The following FANCD2OS variants were observed in gnomAD, a reference collection of about 807,000 sequenced individuals.
FANCD2OS encodes the protein FANCD2 opposite strand protein.
Under a neutral mutation model 13.2 loss-of-function variants are expected in FANCD2OS, and 11 were observed. That is an observed-to-expected ratio of 0.83 (90% CI 0.52 to 1.38). The LOEUF (loss-of-function observed/expected upper bound fraction) is 1.38, where lower values mean the gene tolerates loss of function less well. Ranked by LOEUF, FANCD2OS falls within the 40% of genes most tolerant of loss-of-function variation. The pLI, the probability that FANCD2OS is intolerant of heterozygous loss-of-function variation, is 0.00. For missense variants in FANCD2OS, 217 were observed against 213.9 expected, an observed-to-expected ratio of 1.01 and a Z score of -0.09; for synonymous variants, 69 against 84.5, an observed-to-expected ratio of 0.82 and a Z score of 1.01.
In FANCD2OS at chr3:10,087,248, GAACA is replaced by G. The variant is rs1559403654; in HGVS notation, c.*44-5721_*44-5718del. ...TGGAGAAATCAACAGCTTCTGCTCAGAACAAAGAAAAAATTGGTGATGGGCCTAG... is the reference window on the plus strand; with the variant it reads ...TGGAGAAATCAACAGCTTCTGCTCAGAAGAAAAAATTGGTGATGGGCCTAG... On this transcript the variant is annotated intron_variant, in intron 2 of 2. Coordinates refer to the FANCD2OS transcript ENST00000524279. 8 of 1,532,252 alleles carry G rather than the reference GAACA, an allele frequency of 5.2e-6. No homozygotes were observed. Among genetic ancestry groups the G allele is most frequent in the Non-Finnish European group, 4.4e-6 (5 of 1,127,570 alleles). 94.9% of individuals were successfully genotyped at this position (1,532,252 alleles called of 1,614,324 possible). A position where few individuals can be genotyped will look rare whatever the true frequency, so the allele number is the denominator to read the frequency against.
intron 2 of FANCD2OS, among the ~76,000 whole-genome samples, chr3:10,085,636 C>T (rs980257160): frequency 1.3e-4 from 19 of 151,898 alleles, no homozygotes; most frequent in Non-Finnish European, 2.2e-4. Flanking sequence ...GTTATTCGCC[C>T]GCCTCAGCCT....
chr3:10,099,235 A>T, downstream of FANCD2OS: 1 of 1,334,362 alleles, frequency 7.5e-7, no homozygotes. Flanking sequence ...GCACAGAGTC[A>T]GAAGCTGCCA....
chr3:10,103,155 C>G (rs1017330009), downstream of FANCD2OS: 1 of 401,322 alleles, frequency 2.5e-6, no homozygotes, highest in South Asian at 1.8e-5. Context: ...ATAATCCCAG[C>G]ACTTTGGGAG....
chr3:10,084,580 G>A (rs747697451), intron 2 of FANCD2OS, among the ~76,000 whole-genome samples: 8 of 152,290 alleles, frequency 5.3e-5, no homozygotes, highest in South Asian at 2.1e-4. Context: ...CATTAGAGGC[G>A]TGAGCCACCA....
chr3:10,098,112 G>A (rs946662515), downstream of FANCD2OS, among the ~76,000 whole-genome samples: 1 of 152,098 alleles, frequency 6.6e-6, no homozygotes, highest in African/African-American at 2.4e-5. Flanking sequence ...TCTGAGTCTT[G>A]TAGTCAATTA....
downstream of FANCD2OS, among the ~76,000 whole-genome samples, chr3:10,100,043 C>G (rs1695210113): frequency 6.6e-6 from 1 of 151,954 alleles, no homozygotes; most frequent in South Asian, 2.1e-4. Flanking sequence ...TTTGAGCTAG[C>G]CAGGCATGGT....
At chr3:10,091,821 G>A (rs1255213040) in intron 2 of FANCD2OS, among the ~76,000 whole-genome samples, 2 of 152,364 alleles carry the variant, frequency 1.3e-5, no homozygotes, top group East Asian at 1.9e-4. Flanking sequence ...ACCACCGGGT[G>A]CAGTGGCGCA....
At position 10,104,563 on chromosome 3, in the gene FANCD2OS, T is replaced by C. The variant is rs1695416251; in HGVS notation, c.212A>G (p.Lys71Arg). The C allele has an allele frequency of 6.2e-7, 1 of 1,614,174 alleles. No individual in the cohort carries two copies. The highest frequency in any genetic ancestry group is 2.2e-5 in the East Asian group (1 of 44,884). The change falls in exon 2 of 2, where the codon AAG becomes AGG. Residue 71 changes from lysine (K) to arginine (R), a missense_variant. Lys to Arg is a conservative substitution (Grantham distance 26). Transcript: ENST00000450660. ...SPFLESGVSP[K>R]LPCHTSELRT... ...CAACTCTGATGTGTGGCAGGGTAAC[T>C]TGGGACTCACTCCAGATTCCAGGAA...
rs534261573 is a variant in FANCD2OS at position 10,108,119 on chromosome 3, C to A, written c.-113G>T. ...GAGAGTGCGAGAGGCTCCCACTCCCCGCCGGAAGAAGGGGCTTGGGCCTCC... is the reference window on the plus strand; with the variant it reads ...GAGAGTGCGAGAGGCTCCCACTCCCAGCCGGAAGAAGGGGCTTGGGCCTCC... On this transcript the variant is annotated 5_prime_UTR_variant, in exon 1 of 2. Transcript: ENST00000450660. 1 of 152,298 alleles carries A rather than the reference C, an allele frequency of 6.6e-6. No individual in the cohort carries two copies. Among genetic ancestry groups the A allele is most frequent in the South Asian group, 2.1e-4 (1 of 4,834 alleles). 9.4% of individuals were successfully genotyped at this position (152,298 alleles called of 1,614,324 possible).
chr3:10,104,713 C>T lies in FANCD2OS; in HGVS notation c.62G>A (p.Arg21Gln), dbSNP rs765734617. Residue 21 changes from arginine to glutamine, a missense_variant, in exon 2 of 2, where the codon CGG becomes CAG. By Grantham distance (43) the Arg-to-Gln change is conservative (BLOSUM62 1). Transcript: ENST00000450660. ...GGAGGAAGGTGTAGGTGTCGTGTGC[C>T]GCAGCCATTGGAAACTCTCATCCAG... The part of the protein sequence containing the change: ...TPLDESFQWL[R>Q]HTTPTPSSKH... 65 of 1,611,738 alleles carry T rather than the reference C, an allele frequency of 4.0e-5. No individual in the cohort carries two copies. The highest frequency in any genetic ancestry group is 5.0e-5 in the Non-Finnish European group (59 of 1,178,892).
downstream of FANCD2OS, among the ~76,000 whole-genome samples, chr3:10,098,314 G>C (rs1304615847): frequency 6.6e-6 from 1 of 152,198 alleles, no homozygotes; most frequent in East Asian, 1.9e-4. Flanking sequence ...CAGAGCTGAT[G>C]TTCTGAAACC....
At chr3:10,085,019 G>A (rs980534914) in intron 2 of FANCD2OS, among the ~76,000 whole-genome samples, 1 of 152,192 alleles carries the variant, frequency 6.6e-6, no homozygotes, top group Non-Finnish European at 1.5e-5. Flanking sequence ...TGGAAAGGAA[G>A]GGACAATATG....
At chr3:10,105,022 CTG>C (rs1695431738) in intron 1 of FANCD2OS, among the ~76,000 whole-genome samples, 1 of 152,130 alleles carries the variant, frequency 6.6e-6, no homozygotes, top group South Asian at 2.1e-4. Flanking sequence ...TCTTGGCTCA[CTG>C]TATTTTTTTG....
chr3:10,084,545 C>G (rs963242128), intron 2 of FANCD2OS, among the ~76,000 whole-genome samples: 1 of 152,174 alleles, frequency 6.6e-6, no homozygotes, highest in Admixed American at 6.5e-5. Context: ...AGTGATCCAC[C>G]CGCCTCAGCC....
chr3:10,081,557 G>A (rs756389891), intron 2 of FANCD2OS: 38 of 929,324 alleles, frequency 4.1e-5, no homozygotes, highest in Non-Finnish European at 6.6e-5. Context: ...GAAAGAAAAG[G>A]TTCAAAAATC....
chr3:10,087,281 C>CAT, intron 2 of FANCD2OS: 1 of 1,310,524 alleles, frequency 7.6e-7, no homozygotes, highest in Non-Finnish European at 1.0e-6. Context: ...GGCCTAGATC[C>CAT]TTTTTTTTTT....
At position 10,095,178 on chromosome 3, in the gene FANCD2OS, T is replaced by C. The variant is rs1369538743; in HGVS notation, c.*43+9020A>G. ...TGAAATCAGGACATTTCATAGAGCA[T>C]TTATAAACTTATTGGTTATAGGAAG... On this transcript the variant is annotated intron_variant, in intron 2 of 2. Transcript: ENST00000524279. 18 of 1,592,216 alleles carry C rather than the reference T, an allele frequency of 1.1e-5. 1 individual carries two copies. In the South Asian group the frequency reaches 1.9e-4, roughly 17 times the overall value.
At chr3:10,099,117 A>G, downstream of FANCD2OS, 2 of 1,495,352 alleles carry the variant, frequency 1.3e-6, no homozygotes, top group Non-Finnish European at 8.9e-7. Context: ...TTTAGAAGGG[A>G]GAAGTCATCG....
chr3:10,095,364 C>G lies in FANCD2OS; in HGVS notation c.*43+8834G>C, dbSNP rs1694892404. On this transcript the variant is annotated intron_variant, in intron 2 of 2. Transcript: ENST00000524279. ...GGATCCATGGGCTACCATCCTTCTT[C>G]CTTTATATCTGGGACTGTGTCTGTC... 5.8e-6 allele frequency: 6 copies of G among 1,035,258 alleles called. No individual in the cohort carries two copies. In the East Asian group the frequency reaches 1.0e-4, roughly 18 times the overall value. The allele number at this position is 1,035,258 out of a possible 1,614,324, so 64.1% of individuals were successfully genotyped here.
Sources: gnomAD v4.1 joint callset for allele counts (sites outside exome capture counted in the v4.1 genomes callset) on GRCh38, gnomAD v4.1.1 for gene constraint, MANE v1.5 for transcripts, NCBI Gene and HGNC (gene_info 2026-07-23, HGNC 2026-07-21) for gene names.